The following PIP4K2C variants were observed in gnomAD, a reference collection of about 807,000 sequenced individuals.
PIP4K2C encodes phosphatidylinositol 5-phosphate 4-kinase type-2 gamma.
In PIP4K2C, 21 loss-of-function variants were observed where a neutral mutation model predicts 45.0. The ratio of observed to expected loss-of-function variants is 0.47; its 90% CI spans 0.33 to 0.67. PIP4K2C has a LOEUF of 0.67. PIP4K2C is among the 30% of genes least tolerant of loss of function. The pLI is 0.02. For missense variants in PIP4K2C, 456 were observed against 542.8 expected, an observed-to-expected ratio of 0.84 and a Z score of 1.59; for synonymous variants, 201 against 204.8, an observed-to-expected ratio of 0.98 and a Z score of 0.16.
intron 6 of PIP4K2C, 81 bp from the exon 7 acceptor site, chr12:57,600,243 A>G (rs1386049334): frequency 3.7e-6 from 3 of 809,516 alleles, no homozygotes; most frequent in African/African-American, 1.7e-5. Flanking sequence ...CTGAGCTAGC[A>G]TAGAGCCCTA....
At chr12:57,596,081 A>G (rs907702642) in intron 4 of PIP4K2C, 50 bp downstream of exon 4, 4 of 1,571,986 alleles carry the variant, frequency 2.5e-6, no homozygotes, top group South Asian at 2.2e-5. Flanking sequence ...CTACTCACAT[A>G]TAGCTCAGCT....
intron 2 of PIP4K2C, 55 bp downstream of exon 2, chr12:57,594,177 A>C: frequency 7.1e-7 from 1 of 1,410,114 alleles, no homozygotes; most frequent in South Asian, 1.3e-5. Flanking sequence ...GGAGTAATAA[A>C]TAATTTTAAA....
At chr12:57,594,995 T>TAA in intron 2 of PIP4K2C, 131 bp from the exon 3 acceptor site, 1 of 596,826 alleles carries the variant, frequency 1.7e-6, no homozygotes, top group Non-Finnish European at 2.9e-6. Flanking sequence ...AAATAAAAAT[T>TAA]AAAAAAAAAG....
chr12:57,599,463 G>GTGAGGGA (rs767342663), intron 6 of PIP4K2C, 25 bp downstream of exon 6: 3 of 1,613,936 alleles, frequency 1.9e-6, no homozygotes, highest in Admixed American at 3.3e-5. Flanking sequence ...ATGTGCTAGG[G>GTGAGGGA]TGAGGGATGA....
Position 57,591,268 on chromosome 12 carries a change from T to C in PIP4K2C, c.-22T>C. On this transcript the variant is annotated 5_prime_UTR_variant, in exon 1 of 10. Coordinates refer to ENST00000354947, the MANE Select transcript of PIP4K2C (RefSeq NM_024779.5). Reference sequence around the variant, plus strand: ...GATAGCTGCCGGCTCCGGCTTCCACTTGGTCGGTTGCGCGGGAGACTATGG... The same window carrying C: ...GATAGCTGCCGGCTCCGGCTTCCACCTGGTCGGTTGCGCGGGAGACTATGG... 1.3e-6 allele frequency: 2 copies of C among 1,589,486 alleles called. No individual in the cohort carries two copies. The highest frequency in any genetic ancestry group is 2.2e-5 in the South Asian group (2 of 89,732).
At position 57,594,349 on chromosome 12, in the gene PIP4K2C, C is replaced by T. The variant is rs189969008; in HGVS notation, c.272+227C>T. 3.6e-3 allele frequency among the ~76,000 whole-genome samples: 546 copies of T among 152,248 alleles called. 3 individuals are homozygous for T. The highest frequency in any genetic ancestry group is 3.8e-3 in the Admixed American group (58 of 15,298). Reference sequence around the variant, plus strand: ...TCCATAGAGTAAATATGTACAGATACCATTACCTGCTCTTTCTCTCTTTTT... The same window carrying T: ...TCCATAGAGTAAATATGTACAGATATCATTACCTGCTCTTTCTCTCTTTTT... On this transcript the variant is annotated intron_variant, in intron 2 of 9. Coordinates refer to ENST00000354947, the MANE Select transcript of PIP4K2C (RefSeq NM_024779.5).
chr12:57,600,886 G>C lies in PIP4K2C; in HGVS notation c.889G>C (p.Glu297Gln). 2 of 1,614,228 alleles carry C rather than the reference G, an allele frequency of 1.2e-6. No individual in the cohort carries two copies. Among genetic ancestry groups the C allele is most frequent in the African/African-American group, 2.7e-5 (2 of 75,068 alleles). ...CGACATCATTCGGGGCTCTGAACCA[G>C]AGGAGGAAGCGCCCGTGCGGGAGGA... The part of the protein sequence containing the change: ...IHDIIRGSEP[E>Q]EEAPVREDES... The change falls in exon 8 of 10, where the codon GAG becomes CAG. Residue 297 changes from glutamate to glutamine, a missense_variant. Glu to Gln is a conservative substitution (Grantham distance 29). Transcript: ENST00000354947.
intron 3 of PIP4K2C, 47 bp from the exon 4 acceptor site, chr12:57,595,841 C>A: frequency 4.4e-6 from 7 of 1,601,474 alleles, no homozygotes; most frequent in Non-Finnish European, 6.0e-6. Context: ...CTTGTTTCTG[C>A]ATATAAAGAG....
chr12:57,595,258 T>TAA (rs1276770265), intron 3 of PIP4K2C, 36 bp downstream of exon 3: 1 of 1,358,896 alleles, frequency 7.4e-7, no homozygotes, highest in Admixed American at 1.7e-5. Flanking sequence ...TAGCCCTTTC[T>TAA]CCCCAGCAAC....
chr12:57,599,509 G>A, intron 6 of PIP4K2C, 71 bp downstream of exon 6: 1 of 1,537,726 alleles, frequency 6.5e-7, no homozygotes, highest in African/African-American at 1.4e-5. Context: ...AACTTCTTAG[G>A]ATGGAGAGGC....
rs749158138 is a variant in PIP4K2C at position 57,599,150 on chromosome 12, T to A, written c.599T>A (p.Met200Lys). 1.7e-5 allele frequency: 28 copies of A among 1,614,110 alleles called. No individual in the cohort carries two copies. The highest frequency in any genetic ancestry group is 2.1e-5 in the Non-Finnish European group (25 of 1,180,048). Residue 200 changes from methionine to lysine, a missense_variant, in exon 5 of 10, where the codon ATG (methionine) becomes AAG (lysine). Around this residue, in one of 2 missense-constraint regions of PIP4K2C, gnomAD observed 421 missense variants for 473.1 expected, o/e 0.89. Coordinates refer to ENST00000354947, the MANE Select transcript of PIP4K2C (RefSeq NM_024779.5). ...RVSVDNEDSYMLVMRNMFSHR... is the reference protein window; with the variant it reads ...RVSVDNEDSYKLVMRNMFSHR... Reference sequence around the variant, plus strand: ...AGTGTGGACAACGAAGACAGCTACATGCTTGTGATGCGCAATATGTTTAGC... The same window carrying A: ...AGTGTGGACAACGAAGACAGCTACAAGCTTGTGATGCGCAATATGTTTAGC...
chr12:57,591,246 A>C lies in PIP4K2C; in HGVS notation c.-44A>C, dbSNP rs774206794. The C allele has an allele frequency of 1.7e-5, 26 of 1,562,696 alleles. No individual in the cohort carries two copies. Among genetic ancestry groups the C allele is most frequent in the Non-Finnish European group, 2.2e-5 (25 of 1,150,438 alleles). On this transcript the variant is annotated 5_prime_UTR_variant, in exon 1 of 10. Transcript: ENST00000354947. ...CGCTTCCGGGGTCGGGCGCCTGGAT[A>C]GCTGCCGGCTCCGGCTTCCACTTGG...
At chr12:57,593,967 A>C in intron 1 of PIP4K2C, 58 bp from the exon 2 acceptor site, 1 of 1,296,988 alleles carries the variant, frequency 7.7e-7, no homozygotes, top group Non-Finnish European at 1.1e-6. Flanking sequence ...GACACAGTGT[A>C]TGGGTAGCTC....
rs781225274 is a variant in PIP4K2C at position 57,591,241 on chromosome 12, TG to T, written c.-47del. On this transcript the variant is annotated 5_prime_UTR_variant, in exon 1 of 10. Coordinates refer to ENST00000354947, the MANE Select transcript of PIP4K2C (RefSeq NM_024779.5). ...AGCGCCGCTTCCGGGGTCGGGCGCC[TG>T]GATAGCTGCCGGCTCCGGCTTCCAC... 6.4e-6 allele frequency: 10 copies of T among 1,552,626 alleles called. No individual in the cohort carries two copies. In the African/African-American group the frequency reaches 1.4e-4, roughly 21 times the overall value.
intron 3 of PIP4K2C, among the ~76,000 whole-genome samples, chr12:57,595,486 C>T (rs557114746): frequency 7.2e-5 from 11 of 152,294 alleles, no homozygotes; most frequent in Admixed American, 5.2e-4. Context: ...GGGCAGATCA[C>T]CTGAGGTCAG....
rs763668245 is a variant in PIP4K2C, at chr12:57,600,314, A to G, written c.700-10A>G. 5.2e-6 allele frequency: 8 copies of G among 1,537,522 alleles called. No individual in the cohort carries two copies. Among genetic ancestry groups the G allele is most frequent in the Non-Finnish European group, 7.2e-6 (8 of 1,114,066 alleles). On this transcript the variant is annotated splice_polypyrimidine_tract_variant and intron_variant, in intron 6 of 9. Coordinates refer to ENST00000354947, the MANE Select transcript of PIP4K2C (RefSeq NM_024779.5). ...ATATGTTCCCAAGATGTCCCTTTAC[A>G]TATTCTTAGGTTAAAGAATTGCCCA...
rs1278985996 is a variant in PIP4K2C at position 57,602,125 on chromosome 12, G to A, written c.*519G>A. 1 of 169,392 alleles carries A rather than the reference G, an allele frequency of 5.9e-6. No individual in the cohort carries two copies. The highest frequency in any genetic ancestry group is 2.4e-5 in the African/African-American group (1 of 41,834). 10.5% of individuals were successfully genotyped at this position (169,392 alleles called of 1,614,324 possible). A position where few individuals can be genotyped will look rare whatever the true frequency, so the allele number is the denominator to read the frequency against. On this transcript the variant is annotated 3_prime_UTR_variant, in exon 10 of 10. Coordinates refer to ENST00000354947, the MANE Select transcript of PIP4K2C (RefSeq NM_024779.5). ...GATGGATGACACTCAAGATACTACA[G>A]ATGTGGGTGCAGGCATGCACACACA...
At chr12:57,594,184 T>A in intron 2 of PIP4K2C, 62 bp downstream of exon 2, 4 of 1,371,288 alleles carry the variant, frequency 2.9e-6, no homozygotes, top group Non-Finnish European at 2.0e-6. Flanking sequence ...TAAATAATTT[T>A]AAAAGTTTCA....
chr12:57,596,484 TAAA>T (rs76543234), intron 4 of PIP4K2C, among the ~76,000 whole-genome samples: 1 of 93,552 alleles, frequency 1.1e-5, no homozygotes, highest in Non-Finnish European at 2.2e-5. Flanking sequence ...AAACTCCGCC[TAAA>T]AAAAAAAAAA....
Sources: allele counts gnomAD v4.1 joint callset (sites outside exome capture counted in the v4.1 genomes callset), GRCh38; gene constraint gnomAD v4.1.1; regional missense constraint gnomAD v4.1.1; transcripts MANE v1.5; gene names NCBI Gene and HGNC (gene_info 2026-07-23, HGNC 2026-07-21).